Variants in ARFIP1 observed in about 807,000 individuals in gnomAD.
ARFIP1 encodes the protein ARF interacting protein 1.
In ARFIP1, 24 loss-of-function variants were observed where a neutral mutation model predicts 42.5. That is an observed-to-expected ratio of 0.57 (90% CI 0.41 to 0.80). The LOEUF (loss-of-function observed/expected upper bound fraction) is 0.80. Among genes scored for constraint, ARFIP1 ranks in the 30% least tolerant of loss-of-function variants. The pLI is 0.00. For synonymous variants in ARFIP1, 141 were observed against 153.7 expected (o/e 0.92, Z 0.61); for missense variants, 354 against 434.0 (o/e 0.82, Z 1.64).
In ARFIP1 at chr4:152,856,452, A is replaced by C. The variant is rs1733443190; in HGVS notation, c.94-7154A>C. On this transcript the variant is annotated intron_variant, in intron 2 of 8. Transcript: ENST00000353617. ...AAAATGAAAAATAACAATACAATTA[A>C]AAATAATACAGATTTAAAAACAATA... Among the ~76,000 whole-genome samples, 4 of 152,376 alleles carry C rather than the reference A, an allele frequency of 2.6e-5. No homozygotes were observed. In the South Asian group the frequency reaches 6.2e-4, roughly 24 times the overall value.
intron 1 of ARFIP1, among the ~76,000 whole-genome samples, chr4:152,806,724 A>G (rs550166275): frequency 1.8e-4 from 28 of 152,222 alleles, no homozygotes; most frequent in Non-Finnish European, 1.6e-4. Context: ...CTGATCTGTC[A>G]TAACAAATTA....
chr4:152,814,657 T>A (rs540002538), intron 1 of ARFIP1, among the ~76,000 whole-genome samples: 1 of 152,296 alleles, frequency 6.6e-6, no homozygotes, highest in Admixed American at 6.5e-5. Context: ...CCTATTGCAC[T>A]GCTAGCCAAG....
At chr4:152,869,612 C>T (rs1734708156) in intron 3 of ARFIP1, among the ~76,000 whole-genome samples, 2 of 152,068 alleles carry the variant, frequency 1.3e-5, no homozygotes, top group Admixed American at 6.5e-5. Flanking sequence ...CCATGCCCAG[C>T]AAGATGGTGT....
intron 5 of ARFIP1, among the ~76,000 whole-genome samples, chr4:152,876,382 G>A (rs1045513221): frequency 5.3e-5 from 8 of 152,174 alleles, no homozygotes; most frequent in South Asian, 2.1e-4. Context: ...AGAGACTGGC[G>A]GCATTTTGCC....
intron 1 of ARFIP1, among the ~76,000 whole-genome samples, chr4:152,826,075 T>A (rs1033658358): frequency 3.3e-5 from 5 of 151,998 alleles, no homozygotes; most frequent in Non-Finnish European, 5.9e-5. Context: ...TGTAGAGATC[T>A]CAAAGAAGTA....
intron 2 of ARFIP1, among the ~76,000 whole-genome samples, chr4:152,844,160 G>A (rs1179817551): frequency 6.6e-6 from 1 of 152,186 alleles, no homozygotes; most frequent in Non-Finnish European, 1.5e-5. Flanking sequence ...GGTAAAATCA[G>A]AAACTTCTCC....
chr4:152,901,617 A>G (rs1350519489), intron 8 of ARFIP1, among the ~76,000 whole-genome samples: 1 of 152,112 alleles, frequency 6.6e-6, no homozygotes, highest in Non-Finnish European at 1.5e-5. Context: ...AAATCTGTCA[A>G]ATTTGCCGCC....
chr4:152,815,590 C>T (rs1472650769), intron 1 of ARFIP1, among the ~76,000 whole-genome samples: 1 of 152,192 alleles, frequency 6.6e-6, no homozygotes, highest in Non-Finnish European at 1.5e-5. Flanking sequence ...TTCCCCCAAT[C>T]TTGTCCAATG....
chr4:152,882,516 TG>T (rs1298267350), intron 6 of ARFIP1, among the ~76,000 whole-genome samples: 1 of 152,212 alleles, frequency 6.6e-6, no homozygotes, highest in Non-Finnish European at 1.5e-5. Context: ...GTATCTGAGC[TG>T]ATGACAATTT....
chr4:152,860,949 G>A (rs998348093), intron 2 of ARFIP1, among the ~76,000 whole-genome samples: 1 of 152,160 alleles, frequency 6.6e-6, no homozygotes, highest in African/African-American at 2.4e-5. Flanking sequence ...TTAGGTGTTA[G>A]GATCTGGAGG....
Position 152,882,886 on chromosome 4 carries a change from G to T in ARFIP1, c.791+6G>T. On this transcript the variant is annotated splice_donor_region_variant and intron_variant, in intron 7 of 8. Coordinates refer to ENST00000353617, the MANE Select transcript of ARFIP1 (RefSeq NM_001025595.3). Reference sequence around the variant, plus strand: ...AAACAGTATGAAAGTGCCAGGTAAGGTATACATTTTCACTGTGTTGTCTGT... The same window carrying T: ...AAACAGTATGAAAGTGCCAGGTAAGTTATACATTTTCACTGTGTTGTCTGT... The T allele has an allele frequency of 6.3e-7, 1 of 1,599,050 alleles. No individual in the cohort carries two copies. The highest frequency in any genetic ancestry group is 1.1e-5 in the South Asian group (1 of 88,160).
chr4:152,795,943 TTAA>T lies in ARFIP1; in HGVS notation c.-10+15722_-10+15724del, dbSNP rs60231204. ...TCCGCCCCATTTTAATGTTTACAAG[TTAA>T]TAATCTCTTGATGATTGCAGACAGG... On this transcript the variant is annotated intron_variant, in intron 1 of 8. Coordinates refer to ENST00000353617, the MANE Select transcript of ARFIP1 (RefSeq NM_001025595.3). The T allele has an allele frequency of 2.9e-3, 721 of 248,040 alleles. 4 individuals carry two copies. Among genetic ancestry groups the T allele is most frequent in the African/African-American group, 0.015 (666 of 44,180 alleles). The allele number at this position is 248,040 out of a possible 1,614,324, so 15.4% of individuals were successfully genotyped here. A position where few individuals can be genotyped will look rare whatever the true frequency, so the allele number is the denominator to read the frequency against.
At chr4:152,819,492 G>C (rs1730183346) in intron 1 of ARFIP1, among the ~76,000 whole-genome samples, 1 of 152,138 alleles carries the variant, frequency 6.6e-6, no homozygotes, top group African/African-American at 2.4e-5. Context: ...TTACGTCACT[G>C]AATCTACTGC....
intron 1 of ARFIP1, among the ~76,000 whole-genome samples, chr4:152,828,666 C>T (rs986808111): frequency 7.2e-5 from 11 of 152,156 alleles, no homozygotes; most frequent in Admixed American, 4.6e-4. Flanking sequence ...TCTCCCAGTC[C>T]GTGGCTTGTC....
chr4:152,811,543 T>TGAA (rs1729467958), intron 1 of ARFIP1, among the ~76,000 whole-genome samples: 1 of 152,220 alleles, frequency 6.6e-6, no homozygotes, highest in African/African-American at 2.4e-5. Flanking sequence ...AAAGTACATT[T>TGAA]CATGTTCCAG....
At chr4:152,818,992 G>C (rs1378719156) in intron 1 of ARFIP1, among the ~76,000 whole-genome samples, 3 of 152,172 alleles carry the variant, frequency 2.0e-5, no homozygotes, top group African/African-American at 7.2e-5. Context: ...GCCAGAGAAA[G>C]GACTTGCCTG....
At chr4:152,873,677 G>A (rs1333146454) in intron 5 of ARFIP1, among the ~76,000 whole-genome samples, 2 of 151,888 alleles carry the variant, frequency 1.3e-5, no homozygotes, top group African/African-American at 2.4e-5. Context: ...CCTTTTCCCC[G>A]TTCTCCTCCA....
intron 8 of ARFIP1, among the ~76,000 whole-genome samples, chr4:152,895,522 G>A (rs1737234885): frequency 6.8e-6 from 1 of 146,332 alleles, no homozygotes; most frequent in Non-Finnish European, 1.5e-5. Flanking sequence ...AAGTAACTGA[G>A]ACTACTGGTA....
chr4:152,814,950 A>G (rs1017870352), intron 1 of ARFIP1, among the ~76,000 whole-genome samples: 1 of 152,154 alleles, frequency 6.6e-6, no homozygotes, highest in Non-Finnish European at 1.5e-5. Flanking sequence ...AATTGTGTTC[A>G]GTTTTGTAGT....
Sources: allele counts gnomAD v4.1 joint callset (sites outside exome capture counted in the v4.1 genomes callset), GRCh38; gene constraint gnomAD v4.1.1; transcripts MANE v1.5; gene names NCBI Gene and HGNC (gene_info 2026-07-23, HGNC 2026-07-21).